Variants in RFX4 observed in about 807,000 individuals in gnomAD.
RFX4 encodes regulatory factor X4, also known as transcription factor RFX4.
Under a neutral mutation model 95.0 loss-of-function variants are expected in RFX4, and 10 were observed. That is an observed-to-expected ratio of 0.11 (90% CI 0.06 to 0.18). The LOEUF is 0.18. RFX4 is among the 10% of genes least tolerant of loss of function. RFX4 has a pLI of 1.00. For missense variants in RFX4, 640 were observed against 922.0 expected (o/e 0.69, Z 3.96); for synonymous variants, 321 against 340.7 (o/e 0.94, Z 0.64).
At chr12:106,649,669 A>G (rs1244728149) in intron 3 of RFX4, among the ~76,000 whole-genome samples, 2 of 152,232 alleles carry the variant, frequency 1.3e-5, no homozygotes, top group Non-Finnish European at 2.9e-5. Flanking sequence ...CACAAGCCAC[A>G]AGAACAGCAA....
intron 17 of RFX4, among the ~76,000 whole-genome samples, 182 bp downstream of exon 17, chr12:106,750,975 G>A (rs2042992139): frequency 6.6e-6 from 1 of 151,788 alleles, no homozygotes; most frequent in Non-Finnish European, 1.5e-5. Context: ...TAGGGTACAT[G>A]TGCACATTGT....
At chr12:106,700,571 T>C (rs897919562) in intron 8 of RFX4, among the ~76,000 whole-genome samples, 1 of 151,288 alleles carries the variant, frequency 6.6e-6, no homozygotes, top group African/African-American at 2.4e-5. Context: ...CACGCCCGGC[T>C]AATTTTTTGT....
chr12:106,591,095 T>C (rs1026154904), intron 1 of RFX4, among the ~76,000 whole-genome samples: 2 of 152,154 alleles, frequency 1.3e-5, no homozygotes, highest in African/African-American at 2.4e-5. Flanking sequence ...CTTAGATCCA[T>C]ACTCTTAGTC....
At chr12:106,678,928 ACT>A (rs1388813550) in intron 4 of RFX4, among the ~76,000 whole-genome samples, 2 of 152,002 alleles carry the variant, frequency 1.3e-5, no homozygotes, top group Non-Finnish European at 2.9e-5. Flanking sequence ...CAAATTTTTC[ACT>A]CTCATTAGTA....
chr12:106,701,382 G>A (rs2041986958), intron 8 of RFX4, among the ~76,000 whole-genome samples: 1 of 151,630 alleles, frequency 6.6e-6, no homozygotes, highest in Non-Finnish European at 1.5e-5. Flanking sequence ...TCCTACTTGG[G>A]GTTTTCTGAG....
chr12:106,669,872 G>A lies in RFX4; in HGVS notation c.316-12121G>A, dbSNP rs554478318. On this transcript the variant is annotated intron_variant, in intron 4 of 17. Transcript: ENST00000392842. Reference sequence around the variant, plus strand: ...TGTGTGTGTGTGTGTGTGTGTGTGTGTGTGTGTAGTGCCATGTAAAACTCT... The same window carrying A: ...TGTGTGTGTGTGTGTGTGTGTGTGTATGTGTGTAGTGCCATGTAAAACTCT... 7.9e-5 allele frequency among the ~76,000 whole-genome samples: 12 copies of A among 151,452 alleles called. No individual in the cohort carries two copies. In the East Asian group the frequency reaches 2.3e-3, roughly 29 times the overall value.
intron 7 of RFX4, among the ~76,000 whole-genome samples, chr12:106,692,185 T>C (rs902069580): frequency 1.3e-5 from 2 of 151,044 alleles, no homozygotes; most frequent in African/African-American, 2.4e-5. Context: ...CAAATCTGCA[T>C]GTAGGGGACT....
At position 106,654,017 on chromosome 12, in the gene RFX4, C is replaced by G. The variant is rs536849170; in HGVS notation, c.192-211C>G. Among the ~76,000 whole-genome samples the G allele has an allele frequency of 7.9e-5, 12 of 152,244 alleles. No homozygotes were observed. The South Asian group carries it at 1.7e-3, about 21-fold the overall frequency. On this transcript the variant is annotated intron_variant, in intron 3 of 17. Coordinates refer to ENST00000392842, the MANE Select transcript of RFX4 (RefSeq NM_213594.3). ...CTGAAAAAGTAGCCTGGTGTCATAC[C>G]CAAAGGGGCCAGGATTCTGACACTG...
Position 106,659,135 on chromosome 12 carries a change from C to A in RFX4, c.315+4784C>A, listed in dbSNP as rs2041021058. Among the ~76,000 whole-genome samples the A allele has an allele frequency of 7.2e-5, 11 of 152,156 alleles. No homozygotes were observed. In the South Asian group the frequency reaches 2.3e-3, roughly 32 times the overall value. ...ACAAGCATCTTCTCAATAATTTATA[C>A]TCTTTTTTAGATGTTAAAAGTCCAG... On this transcript the variant is annotated intron_variant, in intron 4 of 17. Coordinates refer to ENST00000392842, the MANE Select transcript of RFX4 (RefSeq NM_213594.3).
At chr12:106,602,550 CT>C (rs1328223571) in intron 1 of RFX4, among the ~76,000 whole-genome samples, 8 of 152,206 alleles carry the variant, frequency 5.3e-5, no homozygotes, top group African/African-American at 1.9e-4. Flanking sequence ...TCTGTCTTCT[CT>C]TTCATGTTGC....
chr12:106,684,957 C>T lies in RFX4; in HGVS notation c.378-1927C>T, dbSNP rs544818744. The T allele has an allele frequency of 5.6e-6, 9 of 1,606,726 alleles. No individual in the cohort carries two copies. In the South Asian group the frequency reaches 8.9e-5, roughly 16 times the overall value. On this transcript the variant is annotated intron_variant, in intron 5 of 17. Coordinates refer to ENST00000392842, the MANE Select transcript of RFX4 (RefSeq NM_213594.3). ...GGGAGAGGGAAGGTTTTGACGTGCT[C>T]ATCTCTTCCCTCCTCGCAAAAGCCC... is the stretch of plus-strand genomic sequence containing the variant.
At chr12:106,636,076 T>C (rs1018248077) in intron 2 of RFX4, among the ~76,000 whole-genome samples, 3 of 152,174 alleles carry the variant, frequency 2.0e-5, no homozygotes, top group Non-Finnish European at 4.4e-5. Context: ...GTAATGCAGA[T>C]GACTGAGATA....
rs111448834 is a variant in RFX4, at chr12:106,747,915, G to A, written c.1796+316G>A. On this transcript the variant is annotated intron_variant, in intron 16 of 17. Transcript: ENST00000392842. Reference sequence around the variant, plus strand: ...TGAACTCCAGCCTGGGTGACAGAGCGAGACGCCGTCTTAAAAAAAAAAAAA... The same window carrying A: ...TGAACTCCAGCCTGGGTGACAGAGCAAGACGCCGTCTTAAAAAAAAAAAAA... Among the ~76,000 whole-genome samples the A allele has an allele frequency of 8.2e-3, 1,215 of 147,354 alleles. 24 individuals are homozygous for A. Among genetic ancestry groups the A allele is most frequent in the African/African-American group, 0.029 (1,158 of 39,932 alleles).
intron 8 of RFX4, among the ~76,000 whole-genome samples, chr12:106,705,929 G>GA (rs749482622): frequency 7.2e-5 from 11 of 152,238 alleles, no homozygotes; most frequent in Non-Finnish European, 1.5e-4. Flanking sequence ...TCTGCATGAA[G>GA]GGTACAGTGA....
intron 3 of RFX4, among the ~76,000 whole-genome samples, chr12:106,648,626 GTTTTTTT>G (rs59743543): frequency 1.6e-5 from 2 of 124,928 alleles, no homozygotes; most frequent in African/African-American, 5.9e-5. Context: ...ATCCTGTGGG[GTTTTTTT>G]TTTTTTTTTT....
intron 11 of RFX4, among the ~76,000 whole-genome samples, chr12:106,719,390 C>T (rs1453868695): frequency 2.0e-5 from 3 of 152,196 alleles, no homozygotes; most frequent in African/African-American, 4.8e-5. Context: ...AGCAATGCCT[C>T]ACCCATTAAT....
Position 106,762,557 on chromosome 12 carries a change from G to T in RFX4, c.*1088G>T, listed in dbSNP as rs1487013447. 3 of 152,560 alleles carry T rather than the reference G, an allele frequency of 2.0e-5. No homozygotes were observed. The highest frequency in any genetic ancestry group is 2.0e-4 in the Admixed American group (3 of 15,264). The allele number at this position is 152,560 out of a possible 1,614,324, so 9.5% of individuals were successfully genotyped here. A position where few individuals can be genotyped will look rare whatever the true frequency, so the allele number is the denominator to read the frequency against. On this transcript the variant is annotated 3_prime_UTR_variant, in exon 18 of 18. Coordinates refer to ENST00000392842, the MANE Select transcript of RFX4 (RefSeq NM_213594.3). ...GTAGTAATTTGTGAGGTTTGTTAGA[G>T]ATTAATATAGGTTTTCTTTCTGTAT...
chr12:106,720,842 C>T lies in RFX4; in HGVS notation c.1317C>T (p.Ile439=), dbSNP rs895562882. 40 of 1,613,098 alleles carry T rather than the reference C, an allele frequency of 2.5e-5. No individual in the cohort carries two copies. Among genetic ancestry groups the T allele is most frequent in the Non-Finnish European group, 3.3e-5 (39 of 1,180,046 alleles). ...GGTCCTGTTTCGGCACAAGGGTGAT[C>T]CGGGACATGACCTTGCACAGCGCCC... is the stretch of plus-strand genomic sequence containing the variant. The part of the protein sequence containing the change: ...LMWSCFGTRV[I]RDMTLHSAPS... The change falls in exon 13 of 18, where the codon ATC becomes ATT. Residue 439 remains isoleucine (I), a synonymous_variant. Transcript: ENST00000392842. This position sits in a 1 kb window ranked among gnomAD's most constrained non-coding sequence, Gnocchi z 4.2.
At chr12:106,726,725 G>A (rs1046455080) in intron 13 of RFX4, among the ~76,000 whole-genome samples, 2 of 151,942 alleles carry the variant, frequency 1.3e-5, no homozygotes, top group South Asian at 2.1e-4. Flanking sequence ...ACATAATCTC[G>A]ATTTCAAAAT....
Sources: allele counts gnomAD v4.1 joint callset (sites outside exome capture counted in the v4.1 genomes callset), GRCh38; gene constraint gnomAD v4.1.1; non-coding constraint Gnocchi (gnomAD v3.1); transcripts MANE v1.5; gene names NCBI Gene and HGNC (gene_info 2026-07-23, HGNC 2026-07-21).